The following SERTAD1 variants were observed in gnomAD, a reference collection of about 807,000 sequenced individuals.
SERTAD1 encodes SERTA domain containing 1.
A neutral mutation model predicts 11.7 loss-of-function variants in SERTAD1; 5 were observed. That is an observed-to-expected ratio of 0.43 (90% CI 0.22 to 0.90). The LOEUF (loss-of-function observed/expected upper bound fraction) is 0.90. Ranked by LOEUF, SERTAD1 falls within the 40% of genes least tolerant of loss-of-function variation. The pLI is 0.27. For missense variants in SERTAD1, 287 were observed against 313.9 expected (o/e 0.91, Z 0.65); for synonymous variants, 139 against 141.4 (o/e 0.98, Z 0.12).
chr19:40,425,649 G>C (rs1033624475), intron 1 of SERTAD1, among the ~76,000 whole-genome samples: 6 of 151,840 alleles, frequency 4.0e-5, no homozygotes, highest in Non-Finnish European at 1.5e-5. Flanking sequence ...GCGGGGGCGG[G>C]TGAGTCACGC....
At chr19:40,425,544 G>T (rs1344976699) in intron 1 of SERTAD1, among the ~76,000 whole-genome samples, 5 of 152,160 alleles carry the variant, frequency 3.3e-5, no homozygotes, top group Non-Finnish European at 7.3e-5. Flanking sequence ...CGGCCTCCCG[G>T]CGCCGTGCGA....
chr19:40,425,370 A>G (rs1490097577), intron 1 of SERTAD1, among the ~76,000 whole-genome samples: 3 of 152,216 alleles, frequency 2.0e-5, no homozygotes. Flanking sequence ...CCTTCCCCGC[A>G]GTCCGGGGAG....
At chr19:40,424,021 C>A (rs1326587785) in intron 1 of SERTAD1, among the ~76,000 whole-genome samples, 1 of 152,106 alleles carries the variant, frequency 6.6e-6, no homozygotes, top group Non-Finnish European at 1.5e-5. Context: ...AGCCACCGCG[C>A]CTGGCCTATA....
chr19:40,422,699 A>T lies in SERTAD1; in HGVS notation c.*137T>A. ...CAGGAGGACGGATGTGAAGTTGCCCAGGACTAGATTCTGTCTCTCCAAAGT... is the reference window on the plus strand; with the variant it reads ...CAGGAGGACGGATGTGAAGTTGCCCTGGACTAGATTCTGTCTCTCCAAAGT... On this transcript the variant is annotated 3_prime_UTR_variant, in exon 2 of 2. Coordinates refer to ENST00000357949, the MANE Select transcript of SERTAD1 (RefSeq NM_013376.4). The T allele has an allele frequency of 1.0e-6, 1 of 952,924 alleles. No homozygotes were observed. Among genetic ancestry groups the T allele is most frequent in the Non-Finnish European group, 1.5e-6 (1 of 664,574 alleles). 59.0% of individuals were successfully genotyped at this position (952,924 alleles called of 1,614,324 possible).
chr19:40,423,243 T>A lies in SERTAD1; in HGVS notation c.304A>T (p.Asn102Tyr), dbSNP rs1383230150. Reference sequence around the variant, plus strand: ...GCAGCGTCCGAGCTTGCCAGTAAGTTGTCAGCCACACTGGGGGCTGCAGGT... The same window carrying A: ...GCAGCGTCCGAGCTTGCCAGTAAGTAGTCAGCCACACTGGGGGCTGCAGGT... ...SPPAAPSVAD[N>Y]LLASSDAALS... is the part of the protein sequence containing the mutation. Residue 102 changes from asparagine to tyrosine, a missense_variant, in exon 2 of 2, where the codon AAC (asparagine) becomes TAC (tyrosine). Transcript: ENST00000357949. The A allele has an allele frequency of 6.8e-6, 11 of 1,606,882 alleles. No homozygotes were observed. The highest frequency in any genetic ancestry group is 8.5e-6 in the Non-Finnish European group (10 of 1,175,916).
rs745420561 is a variant in SERTAD1 at position 40,422,904 on chromosome 19, A to G, written c.643T>C (p.Leu215=). 2 of 1,613,380 alleles carry G rather than the reference A, an allele frequency of 1.2e-6. No individual in the cohort carries two copies. The highest frequency in any genetic ancestry group is 1.3e-5 in the African/African-American group (1 of 75,054). ...EEAPELDEAE[L]DYLMDVLVGT... ...ACCAGCACATCCATGAGGTAGTCCA[A>G]TTCGGCCTCGTCCAGCTCCGGAGCT... The change falls in exon 2 of 2, where the codon TTG becomes CTG. Residue 215 remains leucine, a synonymous_variant. Transcript: ENST00000357949.
In SERTAD1 at chr19:40,422,829, C is replaced by T. The variant is rs200723077; in HGVS notation, c.*7G>A. 5.7e-6 allele frequency: 9 copies of T among 1,583,676 alleles called. No individual in the cohort carries two copies. Among genetic ancestry groups the T allele is most frequent in the African/African-American group, 2.7e-5 (2 of 74,226 alleles). On this transcript the variant is annotated 3_prime_UTR_variant, in exon 2 of 2. Transcript: ENST00000357949. ...CAGATACCAGACAACCATTCCAGCA[C>T]GAGGGCTCAGCGCCCTGGCCCCGGC...
At chr19:40,425,422 C>G (rs1305170545) in intron 1 of SERTAD1, among the ~76,000 whole-genome samples, 1 of 152,240 alleles carries the variant, frequency 6.6e-6, no homozygotes, top group Non-Finnish European at 1.5e-5. Context: ...CGACTCCGCC[C>G]CCGGGTCCCG....
rs1213622970 is a variant in SERTAD1, at chr19:40,422,161, T to A, written c.*675A>T. On this transcript the variant is annotated 3_prime_UTR_variant, in exon 2 of 2. Transcript: ENST00000357949. ...GAAAGAAAAAAAAAAAGTGGCCTGG[T>A]AGGAGGATCGCTTGAGCCCAGGAGT... is the stretch of plus-strand genomic sequence containing the variant. 6.7e-6 allele frequency: 1 copy of A among 148,452 alleles called. No homozygotes were observed. The allele number at this position is 148,452 out of a possible 1,614,324, so 9.2% of individuals were successfully genotyped here.
At chr19:40,424,160 C>G (rs897133097) in intron 1 of SERTAD1, among the ~76,000 whole-genome samples, 1 of 151,812 alleles carries the variant, frequency 6.6e-6, no homozygotes, top group Non-Finnish European at 1.5e-5. Context: ...ATCCTCCCCC[C>G]TCAGTCAATA....
In SERTAD1 at chr19:40,421,656, T is replaced by TG. The variant is rs966569947; in HGVS notation, c.*1179dup. 7.9e-5 allele frequency: 12 copies of TG among 152,266 alleles called. No homozygotes were observed. Among genetic ancestry groups the TG allele is most frequent in the African/African-American group, 2.9e-4 (12 of 41,434 alleles). 9.4% of individuals were successfully genotyped at this position (152,266 alleles called of 1,614,324 possible). On this transcript the variant is annotated 3_prime_UTR_variant, in exon 2 of 2. Transcript: ENST00000357949. ...GTCCCCCTTTCCTCCCCCATTTTCC[T>TG]GGAGAGCCGACTCTCAGGGCTCCTT...
intron 1 of SERTAD1, among the ~76,000 whole-genome samples, chr19:40,424,210 T>A (rs268685): frequency 0.54 from 81,411 of 151,094 alleles, 23,399 homozygotes; most frequent in African/African-American, 0.75. Flanking sequence ...TGTAGAGACA[T>A]GGTCTCACTA....
rs562691517 is a variant in SERTAD1, at chr19:40,425,424, C to T, written c.-1+443G>A. Among the ~76,000 whole-genome samples the T allele has an allele frequency of 9.8e-5, 15 of 152,346 alleles. No homozygotes were observed. In the East Asian group the frequency reaches 2.9e-3, roughly 29 times the overall value. On this transcript the variant is annotated intron_variant, in intron 1 of 1. Coordinates refer to ENST00000357949, the MANE Select transcript of SERTAD1 (RefSeq NM_013376.4). ...CCGCCCCCACCCCCGACTCCGCCCC[C>T]GGGTCCCGGCGCCCCCTAGCGGTGC...
chr19:40,425,085 G>A (rs2145758211), intron 1 of SERTAD1, among the ~76,000 whole-genome samples: 1 of 152,292 alleles, frequency 6.6e-6, no homozygotes, highest in Admixed American at 6.5e-5. Context: ...GTAGGAGCTG[G>A]TAGTGGCATG....
Position 40,422,882 on chromosome 19 carries a change from A to T in SERTAD1, c.665T>A (p.Leu222Gln). Residue 222 changes from leucine (L) to glutamine (Q), a missense_variant, in exon 2 of 2, where the codon CTG becomes CAG. By Grantham distance (113) the Leu-to-Gln change is moderately radical. Coordinates refer to ENST00000357949, the MANE Select transcript of SERTAD1 (RefSeq NM_013376.4). ...TCGCTCCAGTGCCTGTGTGCCCACC[A>T]GCACATCCATGAGGTAGTCCAATTC... ...EAELDYLMDV[L>Q]VGTQALERPP... 6.2e-7 allele frequency: 1 copy of T among 1,612,790 alleles called. No individual in the cohort carries two copies. Among genetic ancestry groups the T allele is most frequent in the Non-Finnish European group, 8.5e-7 (1 of 1,179,534 alleles).
rs768402366 is a variant in SERTAD1 at position 40,422,716 on chromosome 19, C to A, written c.*120G>T. ...AGTTGCCCAGGACTAGATTCTGTCT[C>A]TCCAAAGTGGCCCAAGCCCTGTTCT... On this transcript the variant is annotated 3_prime_UTR_variant, in exon 2 of 2. Coordinates refer to ENST00000357949, the MANE Select transcript of SERTAD1 (RefSeq NM_013376.4). The A allele has an allele frequency of 1.7e-6, 2 of 1,158,124 alleles. No homozygotes were observed. The highest frequency in any genetic ancestry group is 2.4e-6 in the Non-Finnish European group (2 of 847,016). The allele number at this position is 1,158,124 out of a possible 1,614,324, so 71.7% of individuals were successfully genotyped here. A position where few individuals can be genotyped will look rare whatever the true frequency, so the allele number is the denominator to read the frequency against.
Position 40,425,013 on chromosome 19 carries a change from G to A in SERTAD1, c.-1+854C>T, listed in dbSNP as rs528760883. Among the ~76,000 whole-genome samples, 40 of 152,264 alleles carry A rather than the reference G, an allele frequency of 2.6e-4. No homozygotes were observed. The South Asian group carries it at 5.2e-3, about 20-fold the overall frequency. On this transcript the variant is annotated intron_variant, in intron 1 of 1. Coordinates refer to ENST00000357949, the MANE Select transcript of SERTAD1 (RefSeq NM_013376.4). ...GAAGACTGTGGGGGGCAAAAAGAGG[G>A]GGGATCTGAGACCCACTGGTAGGCT... is the stretch of plus-strand genomic sequence containing the variant.
rs747053056 is a variant in SERTAD1 at position 40,423,320 on chromosome 19, C to T, written c.227G>A (p.Arg76His). The stretch of plus-strand genomic sequence containing the variant: ...CGCGGGTGCCATGGACGCCTGGATG[C>T]GCCGCAGAGTGTTCACGACCAGCAC... Reference protein sequence around the residue: ...HLVLVVNTLRRIQASMAPAAA... With the variant: ...HLVLVVNTLRHIQASMAPAAA... The change falls in exon 2 of 2, where the codon CGC becomes CAC. Residue 76 changes from arginine (R) to histidine (H), a missense_variant. Transcript: ENST00000357949. The T allele has an allele frequency of 1.7e-5, 28 of 1,610,252 alleles. No homozygotes were observed. Among genetic ancestry groups the T allele is most frequent in the Non-Finnish European group, 2.1e-5 (25 of 1,178,454 alleles).
Position 40,423,268 on chromosome 19 carries a change from T to G in SERTAD1, c.279A>C (p.Pro93=), listed in dbSNP as rs1451407029. ...PAAALPPVPS[P]PAAPSVADNL... is the part of the protein sequence containing the mutation. Reference sequence around the variant, plus strand: ...TGTCAGCCACACTGGGGGCTGCAGGTGGGCTAGGCACAGGTGGCAGGGCAG... The same window carrying G: ...TGTCAGCCACACTGGGGGCTGCAGGGGGGCTAGGCACAGGTGGCAGGGCAG... Residue 93 remains proline (P), a synonymous_variant, in exon 2 of 2, where the codon CCA becomes CCC. Transcript: ENST00000357949. The G allele has an allele frequency of 6.2e-7, 1 of 1,607,808 alleles. No individual in the cohort carries two copies. Among genetic ancestry groups the G allele is most frequent in the Non-Finnish European group, 8.5e-7 (1 of 1,176,502 alleles).
Sources: allele counts gnomAD v4.1 joint callset (sites outside exome capture counted in the v4.1 genomes callset), GRCh38; gene constraint gnomAD v4.1.1; transcripts MANE v1.5; gene names NCBI Gene and HGNC (gene_info 2026-07-23, HGNC 2026-07-21).